Variants in PRIM2 observed in about 807,000 individuals in gnomAD.
The protein encoded by PRIM2 is DNA primase subunit 2, also known as DNA primase large subunit.
Under a neutral mutation model 67.3 loss-of-function variants are expected in PRIM2, and 39 were observed. The observed-to-expected ratio is 0.58, with a 90% CI of 0.45 to 0.76. The LOEUF is 0.76. Ranked by LOEUF, PRIM2 falls within the 30% of genes least tolerant of loss-of-function variation. The probability of loss-of-function intolerance (pLI) is 0.00; values close to 1 mark genes in which losing one functional copy is unlikely to be tolerated. For synonymous variants in PRIM2, 143 were observed against 198.7 expected (o/e 0.72, Z 2.36); for missense variants, 398 against 598.7 (o/e 0.66, Z 3.50).
At chr6:57,476,005 G>C (rs1461719054) in intron 7 of PRIM2, among the ~76,000 whole-genome samples, 2 of 151,946 alleles carry the variant, frequency 1.3e-5, no homozygotes, top group Non-Finnish European at 2.9e-5. Context: ...TCCTAGGTCA[G>C]TGTTGTTGTT....
chr6:57,371,799 T>G (rs1172143907), intron 5 of PRIM2, among the ~76,000 whole-genome samples: 1 of 152,230 alleles, frequency 6.6e-6, no homozygotes, highest in Non-Finnish European at 1.5e-5. Flanking sequence ...TAATTGCTGT[T>G]TGAGAATTAT....
At chr6:57,396,274 T>C (rs1233555204) in intron 7 of PRIM2, among the ~76,000 whole-genome samples, 1 of 152,214 alleles carries the variant, frequency 6.6e-6, no homozygotes, top group Non-Finnish European at 1.5e-5. Flanking sequence ...CCCACTGTTT[T>C]GTCTTGCTAT....
intron 3 of PRIM2, 66 bp downstream of exon 3, chr6:57,320,626 G>C (rs1402438488): frequency 3.0e-6 from 3 of 1,003,418 alleles, no homozygotes; most frequent in Non-Finnish European, 4.4e-6. Flanking sequence ...TGTCACTTGT[G>C]GGAAAGATAT....
At chr6:57,401,089 T>C (rs1770690971) in intron 7 of PRIM2, among the ~76,000 whole-genome samples, 2 of 152,218 alleles carry the variant, frequency 1.3e-5, no homozygotes, top group Admixed American at 1.3e-4. Flanking sequence ...TTTTGAACTT[T>C]ATTTCCGTCA....
chr6:57,472,956 C>T (rs1206729151), intron 7 of PRIM2, among the ~76,000 whole-genome samples: 2 of 152,142 alleles, frequency 1.3e-5, no homozygotes, highest in African/African-American at 2.4e-5. Context: ...GGCCACTTTT[C>T]GTTGAATTAG....
At chr6:57,309,041 C>T in the PRIM2 span, among the ~76,000 whole-genome samples, 1 of 151,466 alleles carries the variant, frequency 6.6e-6, no homozygotes, top group Non-Finnish European at 1.5e-5. Flanking sequence ...CAGATAAACA[C>T]GAGAACAAAG....
chr6:57,505,446 T>C (rs1774230524), intron 7 of PRIM2: 1 of 152,188 alleles, frequency 6.6e-6, no homozygotes. Context: ...TTTTGTGGAA[T>C]TGGCAGAAGC....
intron 7 of PRIM2, among the ~76,000 whole-genome samples, chr6:57,442,648 C>T (rs991754038): frequency 6.6e-6 from 1 of 151,514 alleles, no homozygotes; most frequent in African/African-American, 2.4e-5. Flanking sequence ...CTTGGTGGTG[C>T]CATTAAAAGT....
chr6:57,324,264 C>A lies in PRIM2; in HGVS notation c.322C>A (p.Leu108Ile). The A allele has an allele frequency of 6.2e-7, 1 of 1,600,010 alleles. No individual in the cohort carries two copies. Among genetic ancestry groups the A allele is most frequent in the Non-Finnish European group, 8.5e-7 (1 of 1,170,950 alleles). ...TCATATTTCTCATTTTATTTTGCGG[C>A]TTGCTTATTGCCAGTCGTAAGTATA... ...RDHISHFILR[L>I]AYCQSEELRR... The change falls in exon 4 of 14, where the codon CTT becomes ATT. Residue 108 changes from leucine (L) to isoleucine (I), a missense_variant. This residue lies in a region of PRIM2 where 229 missense variants were observed against 383.6 expected (regional missense o/e 0.60). Transcript: ENST00000615550.
At chr6:57,264,000 C>T in the PRIM2 span, among the ~76,000 whole-genome samples, 2 of 152,162 alleles carry the variant, frequency 1.3e-5, no homozygotes, top group African/African-American at 4.8e-5. Flanking sequence ...GTTTCAACTC[C>T]TTGGTTGATT....
chr6:57,317,344 A>G (rs542072037), upstream of PRIM2, among the ~76,000 whole-genome samples: 2 of 152,246 alleles, frequency 1.3e-5, no homozygotes, highest in South Asian at 4.1e-4. Context: ...CATTGGTTCA[A>G]TTTTCGGCGT....
At chr6:57,485,830 G>T in intron 7 of PRIM2, among the ~76,000 whole-genome samples, 2 of 152,262 alleles carry the variant, frequency 1.3e-5, no homozygotes, top group Non-Finnish European at 2.9e-5. Context: ...GCTGTGTTTT[G>T]CAGGGTCACA....
chr6:57,291,903 A>G, the PRIM2 span, among the ~76,000 whole-genome samples: 4 of 152,226 alleles, frequency 2.6e-5, no homozygotes, highest in Non-Finnish European at 5.9e-5. Context: ...CTGAATAGGC[A>G]AAAACTGGAA....
chr6:57,317,598 C>G (rs1006681580), upstream of PRIM2: 1 of 152,724 alleles, frequency 6.5e-6, no homozygotes, highest in Non-Finnish European at 1.5e-5. Flanking sequence ...CAGGGCTGGC[C>G]TTCTGTGCTA....
At chr6:57,454,451 T>C (rs1772682633) in intron 7 of PRIM2, among the ~76,000 whole-genome samples, 1 of 152,216 alleles carries the variant, frequency 6.6e-6, no homozygotes, top group Admixed American at 6.5e-5. Context: ...TATTAATTAT[T>C]GCCTCAATTT....
At chr6:57,569,418 T>A (rs1391755704) in intron 10 of PRIM2, among the ~76,000 whole-genome samples, 14 of 152,240 alleles carry the variant, frequency 9.2e-5, no homozygotes, top group African/African-American at 3.4e-4. Context: ...GTGAAGAGCA[T>A]AATTTTCTAA....
chr6:57,514,634 T>C (rs1554348042), intron 8 of PRIM2, among the ~76,000 whole-genome samples: 1 of 152,162 alleles, frequency 6.6e-6, no homozygotes, highest in African/African-American at 2.4e-5. Context: ...TTGTTTTCCA[T>C]TGTCACCTTT....
At chr6:57,602,568 C>T (rs1295194940) in intron 11 of PRIM2, among the ~76,000 whole-genome samples, 3 of 152,174 alleles carry the variant, frequency 2.0e-5, no homozygotes, top group Non-Finnish European at 4.4e-5. Flanking sequence ...AGCAGCCATA[C>T]CAGGCAGTCA....
At chr6:57,575,652 G>A (rs1177413590) in intron 10 of PRIM2, among the ~76,000 whole-genome samples, 1 of 152,110 alleles carries the variant, frequency 6.6e-6, no homozygotes, top group Non-Finnish European at 1.5e-5. Context: ...CTTGAGGGGT[G>A]ATAATTGATA....
Sources: allele counts gnomAD v4.1 joint callset (sites outside exome capture counted in the v4.1 genomes callset), GRCh38; gene constraint gnomAD v4.1.1; regional missense constraint gnomAD v4.1.1; transcripts MANE v1.5; gene names NCBI Gene and HGNC (gene_info 2026-07-23, HGNC 2026-07-21).